The following LIME1 variants were observed in gnomAD, a reference collection of about 807,000 sequenced individuals.
The protein encoded by LIME1 is lck-interacting transmembrane adapter 1.
LIME1 carries 23 observed loss-of-function variants against 18.8 expected under a neutral mutation model. The observed-to-expected ratio is 1.22, with a 90% CI of 0.88 to 1.73. The LOEUF is 1.73. Among genes scored for constraint, LIME1 ranks in the 40% most tolerant of loss-of-function variants. LIME1 has a pLI of 0.00. For missense variants in LIME1, 423 were observed against 396.8 expected, an observed-to-expected ratio of 1.07 and a Z score of -0.56; for synonymous variants, 177 against 182.3, an observed-to-expected ratio of 0.97 and a Z score of 0.23.
In LIME1 at chr20:63,738,689, T is replaced by C; in HGVS notation, c.677T>C (p.Ile226Thr). The C allele has an allele frequency of 6.2e-7, 1 of 1,612,796 alleles. No homozygotes were observed. The highest frequency in any genetic ancestry group is 2.2e-5 in the East Asian group (1 of 44,866). ...DPLDPKGQGA[I>T]LALAGDLAYQ... ...CTGGACCCCAAGGGCCAGGGAGCGA[T>C]TCTGGCCCTGGCGGGTGACCTGGCC... The change falls in exon 6 of 6, where the codon ATT becomes ACT. Residue 226 changes from isoleucine (I) to threonine (T), a missense_variant. Coordinates refer to ENST00000309546, the MANE Select transcript of LIME1 (RefSeq NM_017806.4).
chr20:63,735,833 C>G, upstream of LIME1: 4 of 1,612,336 alleles, frequency 2.5e-6, no homozygotes, highest in Non-Finnish European at 3.4e-6. Flanking sequence ...AGCCCAGCGC[C>G]AGCTGGGGCA....
At chr20:63,737,947 C>G (rs914559) in intron 3 of LIME1, 26 bp from the exon 4 acceptor site, 1,199,224 of 1,571,064 alleles carry the variant, frequency 0.76, 462,950 homozygotes, top group African/African-American at 0.94. Context: ...GTCCGCAGGG[C>G]ACCGACCAGC....
Position 63,737,908 on chromosome 20 carries a change from T to G in LIME1, c.180+6T>G. On this transcript the variant is annotated splice_donor_region_variant and intron_variant, in intron 3 of 5. Transcript: ENST00000309546. ...GTGCGACGGCGGCGGAAGCGGTGAG[T>G]GCCAGGCTGTCCCGGGGACCAGGGT... is the stretch of plus-strand genomic sequence containing the variant. 1.3e-6 allele frequency: 2 copies of G among 1,579,968 alleles called. No homozygotes were observed. The highest frequency in any genetic ancestry group is 1.7e-6 in the Non-Finnish European group (2 of 1,165,666).
rs1246116216 is a variant in LIME1 at position 63,738,736 on chromosome 20, G to A, written c.724G>A (p.Ala242Thr). The stretch of plus-strand genomic sequence containing the variant: ...GGCCTACCAGACCCTCCCGCTCAGG[G>A]CCCTGGATGTGGACAGCGGCCCCCT... Reference protein sequence around the residue: ...DLAYQTLPLRALDVDSGPLEN... With the variant: ...DLAYQTLPLRTLDVDSGPLEN... The change falls in exon 6 of 6, where the codon GCC becomes ACC. Residue 242 changes from alanine (A) to threonine (T), a missense_variant. Ala to Thr is a moderately conservative substitution (Grantham distance 58). Coordinates refer to ENST00000309546, the MANE Select transcript of LIME1 (RefSeq NM_017806.4). 2.5e-6 allele frequency: 4 copies of A among 1,613,068 alleles called. No homozygotes were observed. Among genetic ancestry groups the A allele is most frequent in the Non-Finnish European group, 2.5e-6 (3 of 1,179,962 alleles).
rs746989122 is a variant in LIME1, at chr20:63,738,943, CCCCCG to C, written c.*56_*60del. The C allele has an allele frequency of 1.2e-5, 17 of 1,441,508 alleles. No individual in the cohort carries two copies. The highest frequency in any genetic ancestry group is 2.9e-5 in the South Asian group (2 of 68,648). 89.3% of individuals were successfully genotyped at this position (1,441,508 alleles called of 1,614,324 possible). ...CTCCTTCCTCCAGAGTGAGGCCCGT[CCCCCG>C]CCCCGCCCCGCCTCACAGCTGACAG... On this transcript the variant is annotated 3_prime_UTR_variant, in exon 6 of 6. Coordinates refer to ENST00000309546, the MANE Select transcript of LIME1 (RefSeq NM_017806.4).
intron 1 of LIME1, 82 bp from the exon 2 acceptor site, chr20:63,737,451 C>T (rs2236510): frequency 0.24 from 329,141 of 1,388,338 alleles, 43,315 homozygotes; most frequent in East Asian, 0.61. Context: ...GCCCCGCAGC[C>T]GCGGGAGGTG....
rs1433372994 is a variant in LIME1 at position 63,738,798 on chromosome 20, C to A, written c.786C>A (p.Asp262Glu). Residue 262 changes from aspartate to glutamate, a missense_variant, in exon 6 of 6, where the codon GAC becomes GAA. Transcript: ENST00000309546. ...ATGAGAGCATCCGGGAGCTGGGGGA[C>A]CCTGCTGGCAGGAGCAGCACGTGCG... Reference protein sequence around the residue: ...NVYESIRELGDPAGRSSTCGA... With the variant: ...NVYESIRELGEPAGRSSTCGA... 6.2e-7 allele frequency: 1 copy of A among 1,612,758 alleles called. No individual in the cohort carries two copies. The highest frequency in any genetic ancestry group is 1.3e-5 in the African/African-American group (1 of 75,068).
In LIME1 at chr20:63,737,895, C is replaced by T; in HGVS notation, c.173C>T (p.Ala58Val). ...RARLQGSATA[A>V]EASLLRRTHL... is the part of the protein sequence containing the mutation. The stretch of plus-strand genomic sequence containing the variant: ...AGGCTGCAGGGCAGTGCGACGGCGG[C>T]GGAAGCGGTGAGTGCCAGGCTGTCC... Residue 58 changes from alanine (A) to valine (V), a missense_variant, in exon 3 of 6, where the codon GCG (alanine) becomes GTG (valine). Ala to Val is a moderately conservative substitution (Grantham distance 64). Transcript: ENST00000309546. 1.3e-6 allele frequency: 2 copies of T among 1,580,014 alleles called. No homozygotes were observed. Among genetic ancestry groups the T allele is most frequent in the Admixed American group, 1.7e-5 (1 of 57,376 alleles).
At chr20:63,737,935 G>C (rs2092012693) in intron 3 of LIME1, 33 bp downstream of exon 3, 2 of 1,569,622 alleles carry the variant, frequency 1.3e-6, no homozygotes, top group Admixed American at 1.8e-5. Context: ...GACCAGGGTG[G>C]GGTCCGCAGG....
At chr20:63,736,054 G>A (rs890626312), upstream of LIME1, 3 of 1,317,434 alleles carry the variant, frequency 2.3e-6, no homozygotes, top group African/African-American at 1.5e-5. Context: ...CAGAGCTGCG[G>A]GGTCCCATCT....
chr20:63,735,918 A>G, upstream of LIME1: 1 of 1,611,476 alleles, frequency 6.2e-7, no homozygotes, highest in South Asian at 1.1e-5. Context: ...ACTGAGTTCT[A>G]GAGACCCCAC....
upstream of LIME1, chr20:63,735,976 A>C: frequency 6.4e-7 from 1 of 1,572,964 alleles, no homozygotes; most frequent in Non-Finnish European, 8.6e-7. Flanking sequence ...TGCCCTCAGG[A>C]AGACCAGTGT....
At position 63,738,227 on chromosome 20, in the gene LIME1, G is replaced by T. The variant is rs1337021888; in HGVS notation, c.313G>T (p.Glu105Ter). Residue 105 changes from glutamate (E) to a stop codon, truncating the protein, a stop_gained, in exon 5 of 6, where the codon GAG becomes TAG. Transcript: ENST00000309546. LOFTEE classifies it high-confidence loss of function. The part of the protein sequence containing the change: ...SMDLLRPHWL[E>*]VSRDITGPQA... ...GGATCTCCTGCGCCCACACTGGCTG[G>T]AGGTGTCCAGGGACATCACCGGACC... 2.5e-6 allele frequency: 4 copies of T among 1,591,504 alleles called. No individual in the cohort carries two copies. Among genetic ancestry groups the T allele is most frequent in the Non-Finnish European group, 3.4e-6 (4 of 1,174,164 alleles).
chr20:63,736,870 C>G, intron 1 of LIME1, 158 bp downstream of exon 1: 3 of 986,810 alleles, frequency 3.0e-6, no homozygotes, highest in Non-Finnish European at 3.6e-6. Flanking sequence ...GTCTCTGCTG[C>G]TGGACTGTGC....
Position 63,738,807 on chromosome 20 carries a change from C to T in LIME1, c.795C>T (p.Gly265=), listed in dbSNP as rs2145718783. 1 of 1,612,554 alleles carries T rather than the reference C, an allele frequency of 6.2e-7. No homozygotes were observed. The highest frequency in any genetic ancestry group is 8.5e-7 in the Non-Finnish European group (1 of 1,179,800). Residue 265 remains glycine, a synonymous_variant, in exon 6 of 6, where the codon GGC becomes GGT. Coordinates refer to ENST00000309546, the MANE Select transcript of LIME1 (RefSeq NM_017806.4). ...ESIRELGDPA[G]RSSTCGAGTP... is the part of the protein sequence containing the mutation. The stretch of plus-strand genomic sequence containing the variant: ...TCCGGGAGCTGGGGGACCCTGCTGG[C>T]AGGAGCAGCACGTGCGGGGCTGGGA...
In LIME1 at chr20:63,738,797, A is replaced by G. The variant is rs1601363013; in HGVS notation, c.785A>G (p.Asp262Gly). 1 of 1,612,476 alleles carries G rather than the reference A, an allele frequency of 6.2e-7. No homozygotes were observed. The highest frequency in any genetic ancestry group is 1.7e-4 in the Middle Eastern group (1 of 6,058). The change falls in exon 6 of 6, where the codon GAC becomes GGC. Residue 262 changes from aspartate (D) to glycine (G), a missense_variant. Transcript: ENST00000309546. ...NVYESIRELG[D>G]PAGRSSTCGA... is the part of the protein sequence containing the mutation. ...TATGAGAGCATCCGGGAGCTGGGGGACCCTGCTGGCAGGAGCAGCACGTGC... is the reference window on the plus strand; with the variant it reads ...TATGAGAGCATCCGGGAGCTGGGGGGCCCTGCTGGCAGGAGCAGCACGTGC...
chr20:63,736,024 C>T (rs188750306), upstream of LIME1: 33 of 1,490,994 alleles, frequency 2.2e-5, no homozygotes, highest in Middle Eastern at 1.8e-4. Flanking sequence ...CTGGGGCGTG[C>T]AGACACTGCT....
In LIME1 at chr20:63,737,588, G is replaced by A; in HGVS notation, c.39G>A (p.Trp13Ter). The A allele has an allele frequency of 1.9e-6, 3 of 1,604,262 alleles. No homozygotes were observed. The highest frequency in any genetic ancestry group is 1.1e-5 in the South Asian group (1 of 89,432). The change falls in exon 2 of 6, where the codon TGG (tryptophan) becomes TGA (stop). Residue 13 changes from tryptophan (W) to a stop codon, truncating the protein, a stop_gained. Transcript: ENST00000309546. LOFTEE classifies it high-confidence loss of function. ...LPVSWAPPAL[W>*]VLGCCALLLS... ...TGTCCTGGGCCCCTCCTGCCCTCTG[G>A]GTTCTAGGGTGCTGCGCCCTGCTCC...
rs2092020991 is a variant in LIME1 at position 63,738,461 on chromosome 20, C to T, written c.547C>T (p.Pro183Ser). ...RKGTHRSPQE[P>S]QQGKTEVTPA... ...AGGGACCCATCGCAGTCCCCAAGAGCCACAGCAGGGGAAGACTGAGGTGAC... is the reference window on the plus strand; with the variant it reads ...AGGGACCCATCGCAGTCCCCAAGAGTCACAGCAGGGGAAGACTGAGGTGAC... Residue 183 changes from proline (P) to serine (S), a missense_variant, in exon 5 of 6, where the codon CCA (proline) becomes TCA (serine). By Grantham distance (74) the Pro-to-Ser change is moderately conservative (BLOSUM62 -1). Transcript: ENST00000309546. 3.3e-6 allele frequency: 5 copies of T among 1,529,084 alleles called. No individual in the cohort carries two copies. The East Asian group carries it at 1.1e-4, about 35-fold the overall frequency. 94.7% of individuals were successfully genotyped at this position (1,529,084 alleles called of 1,614,324 possible). A position where few individuals can be genotyped will look rare whatever the true frequency, so the allele number is the denominator to read the frequency against.
Sources: gnomAD v4.1 joint callset for allele counts on GRCh38, gnomAD v4.1.1 for gene constraint, MANE v1.5 for transcripts, NCBI Gene and HGNC (gene_info 2026-07-23, HGNC 2026-07-21) for gene names.